ENTREP2: variants seen among roughly 807,000 people sequenced by gnomAD.
The protein encoded by ENTREP2 is protein ENTREP2.
the ENTREP2 span, among the ~76,000 whole-genome samples, chr15:29,436,879 T>G: frequency 6.6e-6 from 1 of 152,238 alleles, no homozygotes; most frequent in African/African-American, 2.4e-5. Context: ...TTTTGAAATA[T>G]CAATCCAGTC....
chr15:29,483,188 GT>G, the ENTREP2 span, among the ~76,000 whole-genome samples: 14 of 152,218 alleles, frequency 9.2e-5, 1 homozygote, highest in East Asian at 2.7e-3. Flanking sequence ...CAGGTTATTT[GT>G]TTTCTTATTA....
chr15:29,298,541 C>T, the ENTREP2 span, among the ~76,000 whole-genome samples: 3 of 152,042 alleles, frequency 2.0e-5, no homozygotes, highest in African/African-American at 7.2e-5. Flanking sequence ...TATCACTTCT[C>T]CTACAGGCAT....
chr15:29,167,297 A>G, the ENTREP2 span, among the ~76,000 whole-genome samples: 1 of 152,218 alleles, frequency 6.6e-6, no homozygotes, highest in Non-Finnish European at 1.5e-5. Flanking sequence ...AGCAAATACA[A>G]TAAAAACAAA....
At chr15:29,507,000 T>C in the ENTREP2 span, among the ~76,000 whole-genome samples, 2 of 152,258 alleles carry the variant, frequency 1.3e-5, no homozygotes, top group South Asian at 4.1e-4. Flanking sequence ...ATGTGCTGTA[T>C]TTAGGAGACC....
chr15:29,281,878 G>T, the ENTREP2 span, among the ~76,000 whole-genome samples: 1 of 152,152 alleles, frequency 6.6e-6, no homozygotes, highest in African/African-American at 2.4e-5. Flanking sequence ...GAATGTGAGC[G>T]TGAAATGCTG....
chr15:29,561,623 G>A, the ENTREP2 span, among the ~76,000 whole-genome samples: 7 of 152,074 alleles, frequency 4.6e-5, no homozygotes, highest in African/African-American at 1.7e-4. Flanking sequence ...AGCAGGCAGA[G>A]CTTGCAGTGA....
chr15:29,177,219 G>A, the ENTREP2 span, among the ~76,000 whole-genome samples: 14 of 152,240 alleles, frequency 9.2e-5, no homozygotes, highest in South Asian at 2.1e-4. Context: ...GAGGGGTCCC[G>A]CTCTCGTGTA....
chr15:29,170,224 C>T, the ENTREP2 span, among the ~76,000 whole-genome samples: 53 of 141,460 alleles, frequency 3.7e-4, no homozygotes, highest in African/African-American at 9.9e-4. Flanking sequence ...AGAAGAATGG[C>T]GTGAACCCGG....
chr15:29,174,577 T>C, the ENTREP2 span, among the ~76,000 whole-genome samples: 1 of 152,048 alleles, frequency 6.6e-6, no homozygotes, highest in African/African-American at 2.4e-5. Flanking sequence ...TATTCCCAGC[T>C]ACTTGGGAGG....
At chr15:29,674,893 CCTCCTCGCCCCTAGTCCCCGGCG>C in the ENTREP2 span, 8 of 152,746 alleles carry the variant, frequency 5.2e-5, no homozygotes, top group Non-Finnish European at 1.2e-4. Context: ...AGTCCCGCGG[CCTCCTCGCCCCTAGTCCCCGGCG>C]CTCCCCGCCC....
the ENTREP2 span, among the ~76,000 whole-genome samples, chr15:29,226,332 C>T: frequency 1.3e-5 from 2 of 152,130 alleles, no homozygotes; most frequent in Non-Finnish European, 2.9e-5. Context: ...CAAATTGCAG[C>T]TTTTGCATGG....
the ENTREP2 span, among the ~76,000 whole-genome samples, chr15:29,556,678 C>T: frequency 1.3e-5 from 2 of 152,148 alleles, no homozygotes; most frequent in African/African-American, 2.4e-5. Flanking sequence ...TCTCAAATCT[C>T]GCTGTCTCCA....
the ENTREP2 span, among the ~76,000 whole-genome samples, chr15:29,564,997 A>G: frequency 6.6e-6 from 1 of 152,218 alleles, no homozygotes; most frequent in Non-Finnish European, 1.5e-5. Context: ...GGAACAAAGA[A>G]ATGAAGAGAC....
the ENTREP2 span, among the ~76,000 whole-genome samples, chr15:29,598,362 A>C: frequency 1.3e-5 from 2 of 152,238 alleles, no homozygotes; most frequent in African/African-American, 2.4e-5. Context: ...CTACAGATTA[A>C]GTATTCTAAA....
the ENTREP2 span, chr15:29,122,862 C>T: frequency 6.4e-6 from 1 of 156,260 alleles, no homozygotes; most frequent in African/African-American, 2.4e-5. Flanking sequence ...ATGATAGAGC[C>T]ATCGAGCCAC....
the ENTREP2 span, among the ~76,000 whole-genome samples, chr15:29,369,571 A>T: frequency 6.6e-6 from 1 of 150,464 alleles, no homozygotes; most frequent in Admixed American, 6.6e-5. Flanking sequence ...ATAGTAAAGG[A>T]AGTCTTTTAG....
At chr15:29,422,219 G>A in the ENTREP2 span, among the ~76,000 whole-genome samples, 3 of 151,932 alleles carry the variant, frequency 2.0e-5, no homozygotes, top group Admixed American at 6.6e-5. Flanking sequence ...GCAGTGAGCC[G>A]AGGTCGCGCC....
chr15:29,480,338 C>CAAAAAAAAAAAAA, the ENTREP2 span, among the ~76,000 whole-genome samples: 2 of 29,416 alleles, frequency 6.8e-5, no homozygotes, highest in Non-Finnish European at 6.8e-5. Context: ...TTCACTATAG[C>CAAAAAAAAAAAAA]AAAAAAAAAA....
chr15:29,216,803 A>T, the ENTREP2 span, among the ~76,000 whole-genome samples: 3 of 152,368 alleles, frequency 2.0e-5, no homozygotes, highest in African/African-American at 7.2e-5. Flanking sequence ...AAAAAGATGT[A>T]AATTAAAATC....
Sources: gnomAD v4.1 joint callset for allele counts (sites outside exome capture counted in the v4.1 genomes callset) on GRCh38, gnomAD v4.1.1 for gene constraint, MANE v1.5 for transcripts, NCBI Gene and HGNC (gene_info 2026-07-23, HGNC 2026-07-21) for gene names.